Variants in CFAP99 observed in about 807,000 individuals in gnomAD.
CFAP99 encodes the protein cilia- and flagella-associated protein 99.
Under a neutral mutation model 82.7 loss-of-function variants are expected in CFAP99, and 84 were observed. The ratio of observed to expected loss-of-function variants is 1.02; its 90% CI spans 0.85 to 1.22. The LOEUF (loss-of-function observed/expected upper bound fraction) is 1.22, where lower values mean the gene tolerates loss of function less well. Among genes scored for constraint, CFAP99 ranks in the 50% most tolerant of loss-of-function variants. CFAP99 has a pLI of 0.00. For missense variants in CFAP99, 1,059 were observed against 983.5 expected (o/e 1.08, Z -1.03); for synonymous variants, 456 against 429.5 (o/e 1.06, Z -0.76).
chr4:2,459,693 G>C (rs550517738), intron 13 of CFAP99, among the ~76,000 whole-genome samples: 1 of 152,224 alleles, frequency 6.6e-6, no homozygotes, highest in Non-Finnish European at 1.5e-5. Context: ...AGAGGAGTGC[G>C]GGGAGCCAGC....
At chr4:2,442,302 CCT>C (rs1734060698) in intron 4 of CFAP99, among the ~76,000 whole-genome samples, 1 of 152,048 alleles carries the variant, frequency 6.6e-6, no homozygotes, top group African/African-American at 2.4e-5. Context: ...AAAATGGCCC[CCT>C]TGAGGGAGGA....
At chr4:2,458,646 C>CG (rs1734492293) in intron 11 of CFAP99, 77 bp from the exon 12 acceptor site, 3 of 1,465,612 alleles carry the variant, frequency 2.0e-6, no homozygotes, top group Non-Finnish European at 9.0e-7. Context: ...CCTCATGCTG[C>CG]GCCCTGGGCT....
At position 2,462,579 on chromosome 4, in the gene CFAP99, CCG is replaced by C. The variant is rs1330187268; in HGVS notation, c.1801_1802del (p.Arg601AspfsTer?). The C allele has an allele frequency of 7.0e-7, 1 of 1,430,654 alleles. No individual in the cohort carries two copies. The highest frequency in any genetic ancestry group is 9.1e-7 in the Non-Finnish European group (1 of 1,095,406). 88.6% of individuals were successfully genotyped at this position (1,430,654 alleles called of 1,614,324 possible). ...GGCGGCCTTGCTGCACGTGTCGGCGCCGCGGACCGCGCGCCCCAAGCCCCGGG... is the reference window on the plus strand; with the variant it reads ...GGCGGCCTTGCTGCACGTGTCGGCGCCGGACCGCGCGCCCCAAGCCCCGGG... On this transcript the variant is annotated frameshift_variant, in exon 15 of 15. Coordinates refer to ENST00000635017, the Ensembl canonical transcript of CFAP99. LOFTEE classifies it low-confidence loss of function (END_TRUNC). This position sits in a 1 kb window ranked among gnomAD's most constrained non-coding sequence, Gnocchi z 4.1.
exon 1 of CFAP99, chr4:2,419,030 A>G (rs1296780411): frequency 6.6e-6 from 1 of 152,100 alleles, no homozygotes; most frequent in African/African-American, 2.4e-5. Flanking sequence ...CAGCTGGCCC[A>G]GGAAACTGCT....
intron 10 of CFAP99, 109 bp downstream of exon 10, chr4:2,451,461 G>A: frequency 1.0e-6 from 1 of 967,932 alleles, no homozygotes; most frequent in Non-Finnish European, 1.5e-6. Flanking sequence ...GGGACTCGGG[G>A]GTCACAACAG....
intron 2 of CFAP99, among the ~76,000 whole-genome samples, chr4:2,433,277 C>T (rs1182110513): frequency 2.0e-5 from 3 of 152,224 alleles, no homozygotes; most frequent in Non-Finnish European, 2.9e-5. Flanking sequence ...GAAGCGGAGT[C>T]GCCGGTGCCT....
intron 8 of CFAP99, chr4:2,450,415 G>A (rs1233204316): frequency 2.0e-5 from 6 of 296,188 alleles, no homozygotes; most frequent in African/African-American, 1.3e-4. Flanking sequence ...CCCGCTGGGT[G>A]GCAAGGGTCC....
At chr4:2,423,436 TGGGCCTCCTGG>T (rs1047039760) in intron 1 of CFAP99, among the ~76,000 whole-genome samples, 10 of 152,206 alleles carry the variant, frequency 6.6e-5, no homozygotes, top group Non-Finnish European at 1.5e-5. Context: ...GGGTGCTCAG[TGGGCCTCCTGG>T]GCCTTTCTGC....
At chr4:2,445,595 G>T (rs1456305600) in intron 6 of CFAP99, among the ~76,000 whole-genome samples, 1 of 152,204 alleles carries the variant, frequency 6.6e-6, no homozygotes, top group Non-Finnish European at 1.5e-5. Context: ...CCTGTCGGGA[G>T]TTGGAGCTTG....
chr4:2,453,619 A>T (rs1343520961), intron 11 of CFAP99, among the ~76,000 whole-genome samples: 1 of 151,118 alleles, frequency 6.6e-6, no homozygotes. Context: ...TCATTTATTT[A>T]TCAGTGAATT....
exon 12 of CFAP99, chr4:2,458,819 G>A (rs36086854): frequency 0.019 from 29,091 of 1,535,870 alleles, 388 homozygotes; most frequent in Middle Eastern, 0.066. Flanking sequence ...GCAGAAGAAC[G>A]CCAAGGCGGC....
At chr4:2,437,518 G>A (rs1262995495) in intron 3 of CFAP99, among the ~76,000 whole-genome samples, 2 of 152,198 alleles carry the variant, frequency 1.3e-5, no homozygotes, top group Non-Finnish European at 2.9e-5. Context: ...CTGAGACCCT[G>A]CACAGGGTCT....
At chr4:2,458,642 G>A in intron 11 of CFAP99, 81 bp from the exon 12 acceptor site, 1 of 1,465,212 alleles carries the variant, frequency 6.8e-7, no homozygotes, top group South Asian at 1.4e-5. Context: ...CAGACCTCAT[G>A]CTGCGCCCTG....
At position 2,448,942 on chromosome 4, in the gene CFAP99, G is replaced by A. The variant is rs1734233164; in HGVS notation, c.643-728G>A. On this transcript the variant is annotated intron_variant, in intron 6 of 14. Transcript: ENST00000635017. The surrounding 1 kb of genome is among the most constrained non-coding windows in gnomAD (Gnocchi z 5.2). ...GGGTGTGAGAGACAGAGGTGACAAG[G>A]AGGACTCTGAGGCATGGGTGAGGAA... Among the ~76,000 whole-genome samples, 1 of 152,218 alleles carries A rather than the reference G, an allele frequency of 6.6e-6. No individual in the cohort carries two copies. The highest frequency in any genetic ancestry group is 2.4e-5 in the African/African-American group (1 of 41,452).
chr4:2,459,109 C>G lies in CFAP99; in HGVS notation c.1306C>G (p.Gln436Glu), dbSNP rs1246844891. 4 of 1,513,788 alleles carry G rather than the reference C, an allele frequency of 2.6e-6. No individual in the cohort carries two copies. In the South Asian group the frequency reaches 4.9e-5, roughly 18 times the overall value. 93.8% of individuals were successfully genotyped at this position (1,513,788 alleles called of 1,614,324 possible). A position where few individuals can be genotyped will look rare whatever the true frequency, so the allele number is the denominator to read the frequency against. Residue 436 changes from glutamine (Q) to glutamate (E), a missense_variant and splice_region_variant, in exon 13 of 15, where the codon CAG becomes GAG. Transcript: ENST00000635017. Reference sequence around the variant, plus strand: ...CAGCTCCTGGCTTGGCCCCCAAGTTCAGGAGGCGATCGAGGAGAGCAGGGG... The same window carrying G: ...CAGCTCCTGGCTTGGCCCCCAAGTTGAGGAGGCGATCGAGGAGAGCAGGGG...
At chr4:2,460,984 G>A (rs1437856988) in intron 14 of CFAP99, among the ~76,000 whole-genome samples, 3 of 152,132 alleles carry the variant, frequency 2.0e-5, no homozygotes, top group Admixed American at 6.5e-5. Context: ...TGATCTGCCC[G>A]CCTTGGCCTC....
chr4:2,424,305 A>T (rs1733641659), intron 1 of CFAP99, among the ~76,000 whole-genome samples: 1 of 152,100 alleles, frequency 6.6e-6, no homozygotes, highest in South Asian at 2.1e-4. Context: ...AAATACAAAA[A>T]ATAGCCACAT....
At chr4:2,459,117 G>A (rs902574005) in exon 13 of CFAP99, 21 of 1,518,776 alleles carry the variant, frequency 1.4e-5, no homozygotes, top group African/African-American at 6.9e-5. Context: ...TTCAGGAGGC[G>A]ATCGAGGAGA....
At chr4:2,436,250 C>T (rs1038901255) in intron 2 of CFAP99, among the ~76,000 whole-genome samples, 2 of 152,226 alleles carry the variant, frequency 1.3e-5, no homozygotes, top group African/African-American at 2.4e-5. Context: ...CCACCATACC[C>T]GGCTAAGTTT....
Sources: gnomAD v4.1 joint callset for allele counts (sites outside exome capture counted in the v4.1 genomes callset) on GRCh38, gnomAD v4.1.1 for gene constraint, Gnocchi (gnomAD v3.1) non-coding constraint, MANE v1.5 for transcripts, NCBI Gene and HGNC (gene_info 2026-07-23, HGNC 2026-07-21) for gene names.